The following ZC3H12B variants were observed in gnomAD, a reference collection of about 807,000 sequenced individuals.
ZC3H12B encodes zinc finger CCCH-type containing 12B.
A neutral mutation model predicts 43.9 loss-of-function variants in ZC3H12B; 7 were observed. The observed-to-expected ratio is 0.16, with a 90% CI of 0.09 to 0.30. ZC3H12B has a LOEUF of 0.30. Ranked by LOEUF, ZC3H12B falls within the 10% of genes least tolerant of loss-of-function variation. The pLI is 1.00. For missense variants in ZC3H12B, 475 were observed against 670.2 expected, an observed-to-expected ratio of 0.71 and a Z score of 3.22; for synonymous variants, 222 against 241.7, an observed-to-expected ratio of 0.92 and a Z score of 0.76.
In ZC3H12B at chrX:65,472,848, A is replaced by ATATATATGTTTGTGTATATATATGTT. The variant is rs1569420529; in HGVS notation, n.408-15791_408-15790insGTTTGTGTATATATATGTTTATATAT. ...TTGATATATATATATATATATATAT[A>ATATATATGTTTGTGTATATATATGTT]TATATATATATGTTTGTGTATATAT... is the stretch of plus-strand genomic sequence containing the variant. On this transcript the variant is annotated intron_variant and non_coding_transcript_variant, in intron 3 of 5. Coordinates refer to the ZC3H12B transcript ENST00000617377. Among the ~76,000 whole-genome samples, 52 of 78,252 alleles carry ATATATATGTTTGTGTATATATATGTT rather than the reference A, an allele frequency of 6.6e-4. 1 individual carries two copies. The highest frequency in any genetic ancestry group is 3.9e-3 in the African/African-American group (50 of 12,664). The allele number at this position is 78,252 out of a possible 115,157, so 68.0% of individuals were successfully genotyped here.
the ZC3H12B span, among the ~76,000 whole-genome samples, chrX:65,178,358 G>T: frequency 8.9e-6 from 1 of 111,906 alleles, no homozygotes; most frequent in Non-Finnish European, 1.9e-5. Flanking sequence ...TATGGGCAAA[G>T]ACTTCATGAC....
At chrX:65,035,871 T>C in the ZC3H12B span, among the ~76,000 whole-genome samples, 1 of 112,413 alleles carries the variant, frequency 8.9e-6, no homozygotes, top group African/African-American at 3.2e-5. Flanking sequence ...CCATTTGACT[T>C]CTAAAGTGCT....
chrX:65,138,786 C>G, the ZC3H12B span, among the ~76,000 whole-genome samples: 1 of 111,413 alleles, frequency 9.0e-6, no homozygotes, highest in South Asian at 3.7e-4. Flanking sequence ...GCCATTGTAA[C>G]AGGTGTGAGA....
the ZC3H12B span, among the ~76,000 whole-genome samples, chrX:65,347,721 G>T: frequency 8.9e-6 from 1 of 111,996 alleles, no homozygotes; most frequent in East Asian, 2.8e-4. Flanking sequence ...TTTGACCCAG[G>T]CATCCCATTA....
the ZC3H12B span, among the ~76,000 whole-genome samples, chrX:65,147,828 G>T: frequency 1.1e-4 from 12 of 110,454 alleles, no homozygotes; most frequent in Non-Finnish European, 2.1e-4. Context: ...TCCTGGGTCT[G>T]TGGGGGCTTA....
exon 5 of ZC3H12B, chrX:65,503,905 C>G (rs1293154881): frequency 8.9e-6 from 1 of 112,181 alleles, no homozygotes; most frequent in African/African-American, 3.2e-5. Flanking sequence ...GTGTGAGCCA[C>G]TGCGCCCAGC....
At chrX:65,328,892 G>T in the ZC3H12B span, among the ~76,000 whole-genome samples, 1 of 109,299 alleles carries the variant, frequency 9.1e-6, no homozygotes, top group Non-Finnish European at 1.9e-5. Context: ...CATTTTTTAT[G>T]GCTACATAGT....
chrX:65,290,580 AATACCAAAGATATGG>A, the ZC3H12B span, among the ~76,000 whole-genome samples: 1 of 111,995 alleles, frequency 8.9e-6, no homozygotes, highest in Non-Finnish European at 1.9e-5. Context: ...CATTATTCAC[AATACCAAAGATATGG>A]ATTCAACCCA....
the ZC3H12B span, among the ~76,000 whole-genome samples, chrX:65,199,974 C>T: frequency 9.0e-6 from 1 of 110,570 alleles, no homozygotes; most frequent in South Asian, 3.9e-4. Context: ...CCAGTAATGG[C>T]ATTTCTGGGT....
the ZC3H12B span, among the ~76,000 whole-genome samples, chrX:65,124,613 C>T: frequency 9.1e-6 from 1 of 110,416 alleles, no homozygotes; most frequent in East Asian, 2.9e-4. Flanking sequence ...TTTGTCTGGT[C>T]CTGGACTTTT....
At chrX:65,276,989 G>T in the ZC3H12B span, among the ~76,000 whole-genome samples, 5 of 111,471 alleles carry the variant, frequency 4.5e-5, no homozygotes, top group African/African-American at 6.5e-5. Context: ...CACCTCATCT[G>T]TAAAGACACA....
chrX:65,093,775 C>A, the ZC3H12B span, among the ~76,000 whole-genome samples: 2 of 111,724 alleles, frequency 1.8e-5, no homozygotes, highest in Non-Finnish European at 3.8e-5. Context: ...AAGGGACTAG[C>A]CTTTTGTCTC....
At chrX:65,192,788 A>ATAGT in the ZC3H12B span, among the ~76,000 whole-genome samples, 1 of 110,447 alleles carries the variant, frequency 9.1e-6, no homozygotes, top group Non-Finnish European at 1.9e-5. Context: ...AGATAGATAG[A>ATAGT]TAGATAGATA....
At chrX:65,098,918 G>T in the ZC3H12B span, among the ~76,000 whole-genome samples, 6 of 110,902 alleles carry the variant, frequency 5.4e-5, no homozygotes, top group African/African-American at 1.3e-4. Flanking sequence ...TGAAGCCAGG[G>T]AGCTACATGG....
At chrX:65,242,417 G>A in the ZC3H12B span, among the ~76,000 whole-genome samples, 1 of 110,947 alleles carries the variant, frequency 9.0e-6, no homozygotes, top group African/African-American at 3.3e-5. Flanking sequence ...AAAGTACCTA[G>A]AAATAAACGT....
At chrX:65,100,041 G>A in the ZC3H12B span, among the ~76,000 whole-genome samples, 2 of 111,735 alleles carry the variant, frequency 1.8e-5, no homozygotes, top group Non-Finnish European at 3.8e-5. Context: ...GAACATAAAT[G>A]AACTGATGAT....
the ZC3H12B span, among the ~76,000 whole-genome samples, chrX:65,343,484 C>G: frequency 8.9e-6 from 1 of 111,754 alleles, no homozygotes; most frequent in Admixed American, 9.5e-5. Flanking sequence ...CTGACACCAT[C>G]AGGAAAGCCT....
chrX:65,057,959 C>G, the ZC3H12B span, among the ~76,000 whole-genome samples: 11 of 111,816 alleles, frequency 9.8e-5, no homozygotes, highest in Admixed American at 1.0e-3. Context: ...CATCTCTACA[C>G]TGATTATTCT....
chrX:65,436,795 A>G (rs1292265288), intron 3 of ZC3H12B, among the ~76,000 whole-genome samples: 1 of 111,513 alleles, frequency 9.0e-6, no homozygotes, highest in African/African-American at 3.3e-5. Flanking sequence ...GGGTAAATGG[A>G]GTATTCATCA....
Sources: allele counts gnomAD v4.1 joint callset (sites outside exome capture counted in the v4.1 genomes callset), GRCh38; gene constraint gnomAD v4.1.1; transcripts MANE v1.5; gene names NCBI Gene and HGNC (gene_info 2026-07-23, HGNC 2026-07-21).